Variants in PPARGC1B observed in about 807,000 individuals in gnomAD.
PPARGC1B encodes the protein peroxisome proliferator-activated receptor gamma coactivator 1-beta.
Under a neutral mutation model 101.6 loss-of-function variants are expected in PPARGC1B, and 34 were observed. The observed-to-expected ratio is 0.33, with a 90% confidence interval of 0.25 to 0.45. The LOEUF (loss-of-function observed/expected upper bound fraction) is 0.45. PPARGC1B is among the 20% of genes least tolerant of loss of function. The probability of loss-of-function intolerance (pLI) is 1.00; values close to 1 mark genes in which losing one functional copy is unlikely to be tolerated. For synonymous variants in PPARGC1B, 548 were observed against 539.3 expected (o/e 1.02, Z -0.22); for missense variants, 1,234 against 1,317.6 (o/e 0.94, Z 0.98).
chr5:149,735,646 G>GT (rs1754677203), intron 1 of PPARGC1B, among the ~76,000 whole-genome samples: 1 of 152,180 alleles, frequency 6.6e-6, no homozygotes, highest in Admixed American at 6.5e-5. Flanking sequence ...AGATCTTACA[G>GT]TTTCAGAGAA....
intron 1 of PPARGC1B, among the ~76,000 whole-genome samples, chr5:149,732,444 G>A (rs1259944779): frequency 6.6e-6 from 1 of 152,236 alleles, no homozygotes; most frequent in East Asian, 1.9e-4. Flanking sequence ...TTCAGTGTTT[G>A]GCTCAGCAAT....
Position 149,776,551 on chromosome 5 carries a change from G to C in PPARGC1B, c.79-43882G>C, listed in dbSNP as rs764805349. Among the ~76,000 whole-genome samples, 4 of 152,270 alleles carry C rather than the reference G, an allele frequency of 2.6e-5. No homozygotes were observed. In the South Asian group the frequency reaches 6.2e-4, roughly 24 times the overall value. ...GCTCCCTGGCAGTAATACTGCTGTG[G>C]TTGGCATTCGTTGAACTAGGGGATC... On this transcript the variant is annotated intron_variant, in intron 1 of 11. Coordinates refer to ENST00000309241, the MANE Select transcript of PPARGC1B (RefSeq NM_133263.4).
chr5:149,852,354 G>C lies in PPARGC1B; in HGVS notation c.*4796G>C, dbSNP rs907542327. ...GTCCCTTTCACCTCTGAGAGGCTCA[G>C]ATCCCCAACCAGGAGCATTGGGAAT... is the stretch of plus-strand genomic sequence containing the variant. On this transcript the variant is annotated 3_prime_UTR_variant, in exon 12 of 12. Transcript: ENST00000309241. 3.9e-5 allele frequency: 6 copies of C among 152,180 alleles called. No individual in the cohort carries two copies. The highest frequency in any genetic ancestry group is 7.3e-5 in the Non-Finnish European group (5 of 68,038). The allele number at this position is 152,180 out of a possible 1,614,324, so 9.4% of individuals were successfully genotyped here.
chr5:149,804,892 G>T (rs891084106), intron 1 of PPARGC1B, among the ~76,000 whole-genome samples: 1 of 152,190 alleles, frequency 6.6e-6, no homozygotes, highest in South Asian at 2.1e-4. Flanking sequence ...TCCAGGAGGT[G>T]GTGAGAAAGC....
intron 1 of PPARGC1B, among the ~76,000 whole-genome samples, chr5:149,732,032 G>C (rs1754500929): frequency 2.2e-5 from 3 of 138,040 alleles, no homozygotes. Flanking sequence ...GTGATGAGCG[G>C]GTTGCGCGCG....
intron 1 of PPARGC1B, among the ~76,000 whole-genome samples, chr5:149,751,383 A>C (rs1755296343): frequency 6.6e-6 from 1 of 152,098 alleles, no homozygotes; most frequent in Non-Finnish European, 1.5e-5. Context: ...GAAATGTGAG[A>C]GCATACAAAT....
chr5:149,755,553 A>C (rs1755486377), intron 1 of PPARGC1B, among the ~76,000 whole-genome samples: 1 of 151,848 alleles, frequency 6.6e-6, no homozygotes, highest in Non-Finnish European at 1.5e-5. Context: ...AAGATGGCTG[A>C]AACAGTGCGG....
intron 9 of PPARGC1B, among the ~76,000 whole-genome samples, chr5:149,842,028 G>A (rs192935779): frequency 1.2e-4 from 19 of 152,276 alleles, no homozygotes; most frequent in African/African-American, 4.1e-4. Context: ...TTTCCTTCAT[G>A]TAAGCAGTGG....
At chr5:149,847,353 C>A in intron 11 of PPARGC1B, 105 bp from the exon 12 acceptor site, 1 of 865,006 alleles carries the variant, frequency 1.2e-6, no homozygotes, top group Non-Finnish European at 2.0e-6. Context: ...TGGGCTGCAG[C>A]CACTCCACGG....
intron 2 of PPARGC1B, among the ~76,000 whole-genome samples, chr5:149,824,875 T>G (rs978631096): frequency 6.6e-6 from 1 of 152,242 alleles, no homozygotes. Context: ...TTCTAAAAAT[T>G]ACAAACGCGT....
chr5:149,829,688 GAAA>G (rs763013635), intron 3 of PPARGC1B, among the ~76,000 whole-genome samples: 27 of 122,322 alleles, frequency 2.2e-4, no homozygotes, highest in East Asian at 9.6e-4. Context: ...AGTTTTTATA[GAAA>G]AAAAAAAAAA....
Position 149,791,960 on chromosome 5 carries a change from G to A in PPARGC1B, c.79-28473G>A, listed in dbSNP as rs528781086. Among the ~76,000 whole-genome samples, 12 of 152,316 alleles carry A rather than the reference G, an allele frequency of 7.9e-5. 2 individuals carry two copies. In the South Asian group the frequency reaches 1.4e-3, roughly 18 times the overall value. The stretch of plus-strand genomic sequence containing the variant: ...GGGAACCCCAGGATACAAGTTCTAA[G>A]TCCTTGGCCTTGGGTTCCCTATGGG... On this transcript the variant is annotated intron_variant, in intron 1 of 11. Transcript: ENST00000309241.
intron 1 of PPARGC1B, among the ~76,000 whole-genome samples, chr5:149,758,749 G>A (rs2113146305): frequency 6.6e-6 from 1 of 152,236 alleles, no homozygotes; most frequent in Admixed American, 6.5e-5. Flanking sequence ...ATCTCTACTG[G>A]GGGTTGTATT....
At chr5:149,797,529 A>G (rs756568109) in intron 1 of PPARGC1B, among the ~76,000 whole-genome samples, 13 of 152,266 alleles carry the variant, frequency 8.5e-5, no homozygotes, top group Non-Finnish European at 1.3e-4. Context: ...TTTGTTAATA[A>G]GGAAACACTA....
chr5:149,740,536 T>C (rs556421183), intron 1 of PPARGC1B, among the ~76,000 whole-genome samples: 4 of 152,184 alleles, frequency 2.6e-5, no homozygotes, highest in Non-Finnish European at 5.9e-5. Context: ...AGTGTTGCAA[T>C]ACTGACTTAG....
At chr5:149,793,748 G>T (rs534169216) in intron 1 of PPARGC1B, among the ~76,000 whole-genome samples, 1 of 152,306 alleles carries the variant, frequency 6.6e-6, no homozygotes, top group South Asian at 2.1e-4. Flanking sequence ...AGACTTGTAG[G>T]AGGAAGATGT....
chr5:149,807,654 A>G (rs1757652050), intron 1 of PPARGC1B, among the ~76,000 whole-genome samples: 1 of 152,096 alleles, frequency 6.6e-6, no homozygotes. Context: ...GCCACCCCCC[A>G]TCCTGGCAGG....
intron 4 of PPARGC1B, 140 bp downstream of exon 4, chr5:149,831,023 G>C (rs550329399): frequency 1.5e-6 from 1 of 684,692 alleles, no homozygotes; most frequent in African/African-American, 1.8e-5. Context: ...TGGTGTCCTG[G>C]GCACTGCTTC....
At chr5:149,761,831 T>C (rs1417604802) in intron 1 of PPARGC1B, among the ~76,000 whole-genome samples, 1 of 152,326 alleles carries the variant, frequency 6.6e-6, no homozygotes, top group African/African-American at 2.4e-5. Flanking sequence ...TCCTCATCCA[T>C]AGCAGGGGAG....
Sources: gnomAD v4.1 joint callset for allele counts (sites outside exome capture counted in the v4.1 genomes callset) on GRCh38, gnomAD v4.1.1 for gene constraint, MANE v1.5 for transcripts, NCBI Gene and HGNC (gene_info 2026-07-23, HGNC 2026-07-21) for gene names.